The following DPP6 variants were observed in gnomAD, a reference collection of about 807,000 sequenced individuals.
The protein encoded by DPP6 is dipeptidyl peptidase like 6, also known as A-type potassium channel modulatory protein DPP6.
A neutral mutation model predicts 122.6 loss-of-function variants in DPP6; 69 were observed. That is an observed-to-expected ratio of 0.56 (90% CI 0.46 to 0.69). The LOEUF (loss-of-function observed/expected upper bound fraction) is 0.69. Ranked by LOEUF, DPP6 falls within the 30% of genes least tolerant of loss-of-function variation. The pLI, the probability that DPP6 is intolerant of heterozygous loss-of-function variation, is 0.00. For synonymous variants in DPP6, 418 were observed against 433.1 expected (o/e 0.97, Z 0.43); for missense variants, 928 against 1,116.9 (o/e 0.83, Z 2.41).
intron 1 of DPP6, among the ~76,000 whole-genome samples, chr7:154,432,275 C>T (rs536655013): frequency 6.6e-6 from 1 of 152,254 alleles, no homozygotes; most frequent in Admixed American, 6.5e-5. Context: ...TTGAAAATTG[C>T]TTATATCATG....
intron 1 of DPP6, among the ~76,000 whole-genome samples, chr7:154,180,997 A>G (rs1165326466): frequency 6.6e-6 from 1 of 152,182 alleles, no homozygotes; most frequent in African/African-American, 2.4e-5. Flanking sequence ...TGCCAGTTCA[A>G]TCCCCTGGCT....
chr7:154,660,349 C>T (rs902018530), intron 6 of DPP6, among the ~76,000 whole-genome samples: 1 of 148,220 alleles, frequency 6.7e-6, no homozygotes, highest in African/African-American at 2.6e-5. Flanking sequence ...ATCACCATGG[C>T]GTATTGGCCG....
In DPP6 at chr7:154,554,400, G is replaced by A. The variant is rs1160131462; in HGVS notation, c.553-12442G>A. Among the ~76,000 whole-genome samples, 3 of 152,030 alleles carry A rather than the reference G, an allele frequency of 2.0e-5. No homozygotes were observed. The East Asian group carries it at 5.8e-4, about 29-fold the overall frequency. On this transcript the variant is annotated intron_variant, in intron 4 of 25. Transcript: ENST00000377770. ...TCATGAGGAGGTTGTATTCAAAAAA[G>A]CCTCTGGGTATATTTATGCTTTCTA... is the stretch of plus-strand genomic sequence containing the variant.
At chr7:154,503,906 T>C (rs568987365) in intron 3 of DPP6, among the ~76,000 whole-genome samples, 2 of 152,316 alleles carry the variant, frequency 1.3e-5, no homozygotes, top group African/African-American at 4.8e-5. Context: ...GGCACATGTT[T>C]ACCCATGTAA....
At chr7:154,321,420 G>T (rs954331454) in intron 1 of DPP6, among the ~76,000 whole-genome samples, 1 of 152,116 alleles carries the variant, frequency 6.6e-6, no homozygotes, top group Non-Finnish European at 1.5e-5. Flanking sequence ...AGAAGGCTAG[G>T]AACCATCACG....
intron 3 of DPP6, among the ~76,000 whole-genome samples, chr7:154,533,080 A>G (rs1023161006): frequency 2.0e-5 from 3 of 152,222 alleles, no homozygotes; most frequent in Admixed American, 2.0e-4. Flanking sequence ...AGATCACATC[A>G]CCTTTCTTCA....
chr7:154,827,728 G>C lies in DPP6; in HGVS notation c.1666+20616G>C, dbSNP rs1449357898. Among the ~76,000 whole-genome samples, 9 of 9,228 alleles carry C rather than the reference G, an allele frequency of 9.8e-4. 1 individual carries two copies. In the East Asian group the frequency reaches 0.026, roughly 27 times the overall value. 6.1% of individuals were successfully genotyped at this position (9,228 alleles called of 152,430 possible). ...GTCTCCCAGAAAGGACGGCTGGCGG[G>C]GGGGGGGTGGTGTCGGAGCCCAAGT... is the stretch of plus-strand genomic sequence containing the variant. On this transcript the variant is annotated intron_variant, in intron 16 of 25. Coordinates refer to ENST00000377770, the MANE Select transcript of DPP6 (RefSeq NM_130797.4).
intron 3 of DPP6, among the ~76,000 whole-genome samples, chr7:154,520,416 C>T (rs1011264476): frequency 1.3e-5 from 2 of 152,242 alleles, no homozygotes; most frequent in African/African-American, 4.8e-5. Flanking sequence ...CCTTTCAGGA[C>T]TCTGCTTTAG....
At position 154,014,837 on chromosome 7, in the gene DPP6, G is replaced by T. The variant is rs574396771; in HGVS notation, c.51+127103G>T. On this transcript the variant is annotated intron_variant, in intron 1 of 25. Coordinates refer to the DPP6 transcript ENST00000404039. ...ATGAGGCAGCAATCCTGGTTCTAAA[G>T]AATTGTGATAAAGCAGTCACTAAGG... 3.3e-5 allele frequency among the ~76,000 whole-genome samples: 5 copies of T among 151,942 alleles called. No individual in the cohort carries two copies. In the South Asian group the frequency reaches 1.0e-3, roughly 32 times the overall value.
chr7:153,840,061 G>GT, the DPP6 span, among the ~76,000 whole-genome samples: 1 of 152,286 alleles, frequency 6.6e-6, no homozygotes, highest in South Asian at 2.1e-4. Flanking sequence ...GAGATAGACA[G>GT]TTTTATTGGT....
At chr7:154,380,777 G>A (rs1389105244) in intron 1 of DPP6, among the ~76,000 whole-genome samples, 1 of 152,224 alleles carries the variant, frequency 6.6e-6, no homozygotes, top group East Asian at 1.9e-4. Flanking sequence ...AGAAGTGGGA[G>A]ACTGGTTGCT....
intron 1 of DPP6, among the ~76,000 whole-genome samples, chr7:154,329,504 G>A (rs1808731879): frequency 6.6e-6 from 1 of 152,250 alleles, no homozygotes; most frequent in African/African-American, 2.4e-5. Flanking sequence ...ACGCCAGTTA[G>A]AATGGCGATC....
chr7:153,869,295 T>C, the DPP6 span, among the ~76,000 whole-genome samples: 6 of 152,324 alleles, frequency 3.9e-5, no homozygotes, highest in Non-Finnish European at 7.3e-5. Context: ...CTAAGTCTCT[T>C]TGTAGGTCAC....
chr7:154,506,727 C>T (rs577414786), intron 3 of DPP6, among the ~76,000 whole-genome samples: 42 of 152,236 alleles, frequency 2.8e-4, no homozygotes, highest in African/African-American at 9.9e-4. Context: ...CATGATTTCT[C>T]CTTTCTCTCT....
intron 1 of DPP6, among the ~76,000 whole-genome samples, chr7:154,180,740 A>G (rs931056989): frequency 3.3e-5 from 5 of 151,954 alleles, no homozygotes; most frequent in African/African-American, 1.2e-4. Context: ...TCTTGCTAGG[A>G]AGAAGTATCA....
At chr7:154,309,203 C>T (rs970207811) in intron 1 of DPP6, among the ~76,000 whole-genome samples, 5 of 152,210 alleles carry the variant, frequency 3.3e-5, no homozygotes, top group African/African-American at 1.2e-4. Flanking sequence ...TATGTTCAGT[C>T]ACATTTTTAA....
intron 1 of DPP6, among the ~76,000 whole-genome samples, chr7:154,442,941 T>C (rs1031115604): frequency 1.3e-5 from 2 of 152,158 alleles, no homozygotes; most frequent in African/African-American, 4.8e-5. Flanking sequence ...CCTGGCCACC[T>C]TCCTTAGTGG....
intron 1 of DPP6, among the ~76,000 whole-genome samples, chr7:154,142,426 G>T (rs1168245348): frequency 6.6e-6 from 1 of 151,932 alleles, no homozygotes; most frequent in Non-Finnish European, 1.5e-5. Flanking sequence ...TTTATAATAC[G>T]TCCCCCCAAA....
chr7:154,791,610 A>G (rs1645930653), intron 10 of DPP6, among the ~76,000 whole-genome samples: 1 of 152,224 alleles, frequency 6.6e-6, no homozygotes, highest in Non-Finnish European at 1.5e-5. Context: ...GCCAAACCAT[A>G]TCAGGCTCTG....
Sources: gnomAD v4.1 joint callset for allele counts (sites outside exome capture counted in the v4.1 genomes callset) on GRCh38, gnomAD v4.1.1 for gene constraint, MANE v1.5 for transcripts, NCBI Gene and HGNC (gene_info 2026-07-23, HGNC 2026-07-21) for gene names.